The following ZNF717 variants were observed in gnomAD, a reference collection of about 807,000 sequenced individuals.
ZNF717 encodes zinc finger protein 717, also known as krueppel-like factor X17.
ZNF717 carries 9 observed loss-of-function variants against 13.8 expected under a neutral mutation model. The ratio of observed to expected loss-of-function variants is 0.65; its 90% confidence interval spans 0.39 to 1.14. The LOEUF (loss-of-function observed/expected upper bound fraction) is 1.14. Ranked by LOEUF, ZNF717 falls within the 50% of genes most tolerant of loss-of-function variation. The pLI is 0.01. For synonymous variants in ZNF717, 327 were observed against 364.1 expected (o/e 0.90, Z 1.16); for missense variants, 1,040 against 1,080.7 (o/e 0.96, Z 0.53).
At chr3:75,714,657 A>C (rs1037135537) in intron 5 of ZNF717, among the ~76,000 whole-genome samples, 1 of 152,240 alleles carries the variant, frequency 6.6e-6, no homozygotes. Context: ...TAGAAGAGAC[A>C]AATATAAAAC....
intron 2 of ZNF717, among the ~76,000 whole-genome samples, chr3:75,758,783 G>T (rs371894703): frequency 3.3e-5 from 5 of 152,100 alleles, no homozygotes; most frequent in African/African-American, 4.8e-5. Flanking sequence ...GGAGGCCAAG[G>T]TGGGGGGATT....
At chr3:75,720,261 C>A (rs1323447622) in intron 4 of ZNF717, among the ~76,000 whole-genome samples, 75 of 152,046 alleles carry the variant, frequency 4.9e-4, no homozygotes, top group Non-Finnish European at 6.9e-4. Context: ...ATGAACAGGA[C>A]AAAGAAAATG....
chr3:75,735,026 C>T (rs117180750), downstream of ZNF717, among the ~76,000 whole-genome samples: 624 of 150,528 alleles, frequency 4.1e-3, no homozygotes, highest in African/African-American at 0.015. Context: ...GGGGTTTCAC[C>T]ATGTTAGCAA....
At chr3:75,724,470 T>C (rs1241831885) in intron 4 of ZNF717, among the ~76,000 whole-genome samples, 1 of 151,096 alleles carries the variant, frequency 6.6e-6, no homozygotes, top group African/African-American at 2.5e-5. Context: ...CGCAAACTCT[T>C]GAGCTCCAAA....
intron 2 of ZNF717, among the ~76,000 whole-genome samples, chr3:75,764,679 T>A (rs1454594114): frequency 6.6e-6 from 1 of 152,186 alleles, no homozygotes; most frequent in Non-Finnish European, 1.5e-5. Context: ...TGAGAAGATG[T>A]GTAACATCAC....
intron 2 of ZNF717, among the ~76,000 whole-genome samples, chr3:75,769,973 G>A (rs9310342): frequency 0.045 from 6,861 of 152,180 alleles, 511 homozygotes; most frequent in African/African-American, 0.16. Flanking sequence ...TAAACAAGAG[G>A]TAGAAAATAT....
At chr3:75,775,267 T>C (rs1234847872) in intron 2 of ZNF717, among the ~76,000 whole-genome samples, 6 of 152,220 alleles carry the variant, frequency 3.9e-5, no homozygotes, top group Non-Finnish European at 8.8e-5. Flanking sequence ...TCCACCCTAA[T>C]TATGGTTATT....
intron 2 of ZNF717, among the ~76,000 whole-genome samples, chr3:75,752,196 C>T (rs1238366988): frequency 6.6e-6 from 1 of 151,586 alleles, no homozygotes; most frequent in Non-Finnish European, 1.5e-5. Context: ...ATCCAGAACA[C>T]TGCTACGAGG....
At chr3:75,739,634 T>C (rs1369609879) in intron 4 of ZNF717, among the ~76,000 whole-genome samples, 1 of 151,986 alleles carries the variant, frequency 6.6e-6, no homozygotes, top group Non-Finnish European at 1.5e-5. Context: ...TTCCTACTCA[T>C]AGGTTTTAAT....
At chr3:75,759,353 G>A (rs1247203492) in intron 2 of ZNF717, among the ~76,000 whole-genome samples, 7 of 149,384 alleles carry the variant, frequency 4.7e-5, no homozygotes, top group Non-Finnish European at 1.0e-4. Context: ...TCGGCTCACT[G>A]CAAGCTCCAC....
At chr3:75,732,779 G>A (rs1938691971), downstream of ZNF717, among the ~76,000 whole-genome samples, 1 of 152,234 alleles carries the variant, frequency 6.6e-6, no homozygotes, top group South Asian at 2.1e-4. Context: ...ATCATTACTG[G>A]ATGCACTGTT....
chr3:75,738,196 T>C lies in ZNF717; in HGVS notation c.1427A>G (p.Glu476Gly). 1 of 1,561,092 alleles carries C rather than the reference T, an allele frequency of 6.4e-7. No individual in the cohort carries two copies. The change falls in exon 5 of 5, where the codon GAA becomes GGA. Residue 476 changes from glutamate (E) to glycine (G), a missense_variant. Glu to Gly is a moderately conservative substitution (Grantham distance 98). Transcript: ENST00000652011. ...ACATTCATTGCATTCATAGGGTTTT[T>C]CCCCTGTGTGAGTTCTCTGATGTAA... is the stretch of plus-strand genomic sequence containing the variant. Reference protein sequence around the residue: ...LRLHQRTHTGEKPYECNECGK... With the variant: ...LRLHQRTHTGGKPYECNECGK...
intron 4 of ZNF717, among the ~76,000 whole-genome samples, chr3:75,724,732 T>G (rs1008431500): frequency 1.1e-4 from 17 of 152,386 alleles, no homozygotes; most frequent in Admixed American, 9.8e-4. Flanking sequence ...TACTATTGTT[T>G]GGAGCCACTG....
rs60000175 is a variant in ZNF717, at chr3:75,697,858, C to T, written n.1085+13329G>A. Among the ~76,000 whole-genome samples, 5 of 152,372 alleles carry T rather than the reference C, an allele frequency of 3.3e-5. No homozygotes were observed. The East Asian group carries it at 9.7e-4, about 30-fold the overall frequency. ...AAAAATGAGAGAAAGTTGAGATTTT[C>T]TTAGAGACTGGTTGAATGGCTGTGA... is the stretch of plus-strand genomic sequence containing the variant. On this transcript the variant is annotated intron_variant and non_coding_transcript_variant, in intron 6 of 6. Coordinates refer to the ZNF717 transcript ENST00000648506.
At chr3:75,699,893 T>G (rs1227284658) in intron 6 of ZNF717, among the ~76,000 whole-genome samples, 2 of 152,194 alleles carry the variant, frequency 1.3e-5, no homozygotes, top group South Asian at 4.1e-4. Context: ...TAATACTATT[T>G]GCAGTAGCCA....
intron 4 of ZNF717, among the ~76,000 whole-genome samples, chr3:75,722,106 A>T (rs1198759241): frequency 6.0e-5 from 9 of 149,938 alleles, no homozygotes; most frequent in Non-Finnish European, 1.0e-4. Flanking sequence ...AAAAAAAAAA[A>T]AAAATTAGCT....
At chr3:75,772,018 C>G (rs1233373712) in intron 2 of ZNF717, among the ~76,000 whole-genome samples, 2 of 152,358 alleles carry the variant, frequency 1.3e-5, no homozygotes, top group South Asian at 2.1e-4. Flanking sequence ...CCCCTCCAGA[C>G]TTTGGGCACT....
At chr3:75,750,437 C>T (rs1238458744) in intron 2 of ZNF717, among the ~76,000 whole-genome samples, 1 of 146,918 alleles carries the variant, frequency 6.8e-6, no homozygotes, top group East Asian at 2.0e-4. Flanking sequence ...AACACTCCTA[C>T]TGTGGTCTGA....
chr3:75,741,720 T>A lies in ZNF717; in HGVS notation c.74A>T (p.Glu25Val). 1 of 1,581,644 alleles carries A rather than the reference T, an allele frequency of 6.3e-7. No homozygotes were observed. Among genetic ancestry groups the A allele is most frequent in the Non-Finnish European group, 8.6e-7 (1 of 1,164,110 alleles). The change falls in exon 3 of 5, where the codon GAG becomes GTG. Residue 25 changes from glutamate to valine, a missense_variant. By Grantham distance (121) the Glu-to-Val change is moderately radical (BLOSUM62 -2). Transcript: ENST00000652011. ...KNKSLELVSF[E>V]EVAVHFTWEE... ...CCAGGTGAAGTGCACAGCTACCTCC[T>A]CAAAGGACACCAACTCCTGTAATGA...
Sources: gnomAD v4.1 joint callset for allele counts (sites outside exome capture counted in the v4.1 genomes callset) on GRCh38, gnomAD v4.1.1 for gene constraint, MANE v1.5 for transcripts, NCBI Gene and HGNC (gene_info 2026-07-23, HGNC 2026-07-21) for gene names.